Variants in CDH17 observed in about 807,000 individuals in gnomAD.
CDH17 encodes the protein cadherin 17.
CDH17 carries 67 observed loss-of-function variants against 86.3 expected under a neutral mutation model. The observed-to-expected ratio is 0.78, with a 90% CI of 0.64 to 0.95. CDH17 has a LOEUF of 0.95. Ranked by LOEUF, CDH17 falls within the 40% of genes least tolerant of loss-of-function variation. The pLI is 0.00. For missense variants in CDH17, 993 were observed against 1,017.6 expected, an observed-to-expected ratio of 0.98 and a Z score of 0.33; for synonymous variants, 367 against 366.4, an observed-to-expected ratio of 1.00 and a Z score of -0.02.
chr8:94,166,014 G>C (rs1275533651), intron 9 of CDH17, 38 bp from the exon 10 acceptor site: 1 of 1,231,748 alleles, frequency 8.1e-7, no homozygotes, highest in East Asian at 2.3e-5. Context: ...ACCATTACAG[G>C]CTCCACATAA....
chr8:94,160,431 G>A (rs568292660), intron 11 of CDH17, among the ~76,000 whole-genome samples: 3 of 152,232 alleles, frequency 2.0e-5, no homozygotes, highest in African/African-American at 7.2e-5. Flanking sequence ...TATCCAATTT[G>A]TTTAATAACT....
At chr8:94,200,231 G>T (rs1053246116) in intron 1 of CDH17, among the ~76,000 whole-genome samples, 3 of 152,108 alleles carry the variant, frequency 2.0e-5, no homozygotes, top group African/African-American at 7.2e-5. Flanking sequence ...GGTACCCTGG[G>T]TCGCAATGGT....
chr8:94,151,340 C>G (rs1310452103), intron 13 of CDH17, among the ~76,000 whole-genome samples: 2 of 152,200 alleles, frequency 1.3e-5, no homozygotes, highest in African/African-American at 2.4e-5. Context: ...TGTTTAGCCA[C>G]CTCAGCCAGA....
At chr8:94,155,717 G>C (rs1750265269) in intron 12 of CDH17, among the ~76,000 whole-genome samples, 1 of 152,222 alleles carries the variant, frequency 6.6e-6, no homozygotes, top group Non-Finnish European at 1.5e-5. Flanking sequence ...AACAAGGTCA[G>C]ATGTGTGTCT....
At chr8:94,132,604 C>T (rs1812441286) in intron 15 of CDH17, among the ~76,000 whole-genome samples, 1 of 151,734 alleles carries the variant, frequency 6.6e-6, no homozygotes, top group South Asian at 2.1e-4. Context: ...AATGTTCTTC[C>T]ATTCTGTATG....
At chr8:94,177,440 G>A (rs1813395818) in intron 4 of CDH17, 147 bp downstream of exon 4, 1 of 806,632 alleles carries the variant, frequency 1.2e-6, no homozygotes, top group South Asian at 1.8e-5. Flanking sequence ...GTAAGAAATG[G>A]ACATGTGAGG....
chr8:94,213,591 T>C (rs981976275), intron 1 of CDH17, among the ~76,000 whole-genome samples: 16 of 150,644 alleles, frequency 1.1e-4, no homozygotes, highest in African/African-American at 3.3e-4. Flanking sequence ...ATCATTCTTA[T>C]TGGTTTTCTG....
At chr8:94,145,069 A>C (rs1812714370) in intron 15 of CDH17, among the ~76,000 whole-genome samples, 1 of 152,246 alleles carries the variant, frequency 6.6e-6, no homozygotes, top group African/African-American at 2.4e-5. Flanking sequence ...TAAAATGTTA[A>C]GAACAATTTG....
chr8:94,173,586 G>A lies in CDH17; in HGVS notation c.783+211C>T, dbSNP rs577425634. Among the ~76,000 whole-genome samples the A allele has an allele frequency of 6.6e-5, 10 of 152,226 alleles. No individual in the cohort carries two copies. In the South Asian group the frequency reaches 1.7e-3, roughly 25 times the overall value. The stretch of plus-strand genomic sequence containing the variant: ...TATTTCTTTATAGCAATACAAAAAC[G>A]GCCTAACATAATATCTGCATCCAAG... On this transcript the variant is annotated intron_variant, in intron 7 of 17. Coordinates refer to ENST00000027335, the MANE Select transcript of CDH17 (RefSeq NM_004063.4).
intron 2 of CDH17, among the ~76,000 whole-genome samples, chr8:94,192,535 C>T (rs1487964105): frequency 6.6e-6 from 1 of 152,190 alleles, no homozygotes; most frequent in Non-Finnish European, 1.5e-5. Context: ...AGAGCTACCT[C>T]CAGACCAGAC....
intron 2 of CDH17, among the ~76,000 whole-genome samples, chr8:94,192,108 T>A (rs527987627): frequency 6.6e-6 from 1 of 152,182 alleles, no homozygotes; most frequent in Non-Finnish European, 1.5e-5. Context: ...GGCTCACCCA[T>A]CAGAAAATGA....
At chr8:94,179,236 TTC>T (rs1813431514) in intron 3 of CDH17, among the ~76,000 whole-genome samples, 1 of 152,116 alleles carries the variant, frequency 6.6e-6, no homozygotes, top group Non-Finnish European at 1.5e-5. Flanking sequence ...CTGTTGGCAT[TTC>T]CCTGGGAACA....
rs777731725 is a variant in CDH17 at position 94,165,949 on chromosome 8, T to C, written c.1094A>G (p.His365Arg). Residue 365 changes from histidine (H) to arginine (R), a missense_variant, in exon 10 of 18, where the codon CAT becomes CGT. His to Arg is a conservative substitution (Grantham distance 29). Transcript: ENST00000027335. ...LGNSIGTLTA[H>R]DRDEENTANS... ...GGCAGTATTTTCTTCATCCCTGTCA[T>C]GTGCAGTAAGGGTCCCGATACTGTT... 1.9e-6 allele frequency: 3 copies of C among 1,613,570 alleles called. No individual in the cohort carries two copies. The highest frequency in any genetic ancestry group is 2.5e-6 in the Non-Finnish European group (3 of 1,179,616).
chr8:94,153,488 G>T (rs534780452), intron 12 of CDH17, among the ~76,000 whole-genome samples: 2 of 152,140 alleles, frequency 1.3e-5, no homozygotes, highest in Admixed American at 1.3e-4. Flanking sequence ...ACTACCATAC[G>T]ATCCAGAAAT....
chr8:94,201,327 G>T (rs143124818), intron 1 of CDH17, among the ~76,000 whole-genome samples: 1 of 152,064 alleles, frequency 6.6e-6, no homozygotes, highest in East Asian at 1.9e-4. Flanking sequence ...CCCTCAAAAA[G>T]CATATGTTGG....
At chr8:94,191,877 G>T (rs554734139) in intron 2 of CDH17, among the ~76,000 whole-genome samples, 2 of 152,252 alleles carry the variant, frequency 1.3e-5, no homozygotes, top group East Asian at 3.9e-4. Flanking sequence ...ATCTTTTCCT[G>T]TTCCATCAGC....
At chr8:94,187,723 G>T (rs908041221) in intron 3 of CDH17, among the ~76,000 whole-genome samples, 25 of 152,100 alleles carry the variant, frequency 1.6e-4, no homozygotes, top group Admixed American at 1.5e-3. Context: ...CTACCTGCAT[G>T]GCCTTCTGCT....
At chr8:94,194,770 A>G (rs1813750953) in intron 1 of CDH17, 65 bp from the exon 2 acceptor site, 1 of 843,720 alleles carries the variant, frequency 1.2e-6, no homozygotes, top group Non-Finnish European at 2.0e-6. Flanking sequence ...CTTTCCAATC[A>G]GTAAGAATCA....
chr8:94,194,729 A>T (rs370306528), intron 1 of CDH17, 24 bp from the exon 2 acceptor site: 246 of 1,270,600 alleles, frequency 1.9e-4, no homozygotes, highest in Non-Finnish European at 2.7e-4. Context: ...AGATAAAAAA[A>T]TGGTTAGTTA....
Sources: gnomAD v4.1 joint callset for allele counts (sites outside exome capture counted in the v4.1 genomes callset) on GRCh38, gnomAD v4.1.1 for gene constraint, MANE v1.5 for transcripts, NCBI Gene and HGNC (gene_info 2026-07-23, HGNC 2026-07-21) for gene names.